ASXL1: variants seen among roughly 807,000 people sequenced by gnomAD.
The protein encoded by ASXL1 is polycomb group protein ASXL1.
ASXL1 carries 65 observed loss-of-function variants against 89.1 expected under a neutral mutation model. That is an observed-to-expected ratio of 0.73 (90% confidence interval 0.60 to 0.90). The LOEUF is 0.90. Ranked by LOEUF, ASXL1 falls within the 40% of genes least tolerant of loss-of-function variation. The pLI is 0.00. For missense variants in ASXL1, 1,786 were observed against 1,942.9 expected, an observed-to-expected ratio of 0.92 and a Z score of 1.52; for synonymous variants, 739 against 746.9, an observed-to-expected ratio of 0.99 and a Z score of 0.17.
In ASXL1 at chr20:32,369,019, A is replaced by G. The variant is rs763956931; in HGVS notation, c.148A>G (p.Thr50Ala). The change falls in exon 4 of 13, where the codon ACT (threonine) becomes GCT (alanine). Residue 50 changes from threonine to alanine, a missense_variant. This residue lies in a region of ASXL1 where 332 missense variants were observed against 449.7 expected (regional missense o/e 0.74). Transcript: ENST00000375687. ...AEGLKEMRSG[T>A]SPLACLNAML... ...CATTCTTTTGTGGTTTTACAGTGGG[A>G]CTTCCCCTCTCGCATGCCTCAATGC... 5 of 1,612,644 alleles carry G rather than the reference A, an allele frequency of 3.1e-6. No homozygotes were observed. The South Asian group carries it at 5.5e-5, about 18-fold the overall frequency.
intron 4 of ASXL1, among the ~76,000 whole-genome samples, chr20:32,410,399 C>G (rs188983126): frequency 1.1e-4 from 16 of 152,300 alleles, no homozygotes; most frequent in Non-Finnish European, 2.2e-4. Flanking sequence ...CACTGGTCTC[C>G]CAAAGTGTTG....
In ASXL1 at chr20:32,429,706, G is replaced by T; in HGVS notation, c.566-195G>T. 2.6e-6 allele frequency: 2 copies of T among 767,248 alleles called. No individual in the cohort carries two copies. The highest frequency in any genetic ancestry group is 2.7e-5 in the East Asian group (1 of 37,718). 47.5% of individuals were successfully genotyped at this position (767,248 alleles called of 1,614,324 possible). ...GTGTAGTGCTATACAAATAAAGATG[G>T]CAGTTTGGCACCTGTAAGGTGATAT... On this transcript the variant is annotated intron_variant, in intron 7 of 12. Coordinates refer to ENST00000375687, the MANE Select transcript of ASXL1 (RefSeq NM_015338.6). This position sits in a 1 kb window ranked among gnomAD's most constrained non-coding sequence, Gnocchi z 4.9.
At chr20:32,370,012 C>G (rs760883917) in intron 4 of ASXL1, among the ~76,000 whole-genome samples, 29 of 152,050 alleles carry the variant, frequency 1.9e-4, no homozygotes, top group Non-Finnish European at 3.5e-4. Flanking sequence ...AGCCACTGCA[C>G]CTGGCCACAG....
chr20:32,418,301 G>A (rs767907943), intron 4 of ASXL1, among the ~76,000 whole-genome samples: 3 of 152,130 alleles, frequency 2.0e-5, no homozygotes, highest in Non-Finnish European at 4.4e-5. Context: ...AAGCCTGGGA[G>A]GTCAAGGCTG....
At position 32,428,050 on chromosome 20, in the gene ASXL1, A is replaced by G. The variant is rs577495029; in HGVS notation, c.253-78A>G. On this transcript the variant is annotated intron_variant, in intron 4 of 12. Coordinates refer to ENST00000375687, the MANE Select transcript of ASXL1 (RefSeq NM_015338.6). ...TTCTAAATCCCTCTTTTTCAAAAGC[A>G]TACACATTTAGGAATGACTGCCTTG... 1.9e-6 allele frequency: 3 copies of G among 1,594,436 alleles called. No individual in the cohort carries two copies. The East Asian group carries it at 6.7e-5, about 36-fold the overall frequency.
chr20:32,432,494 T>A (rs1470118072), intron 10 of ASXL1: 1 of 280,622 alleles, frequency 3.6e-6, no homozygotes, highest in Non-Finnish European at 6.9e-6. Flanking sequence ...TTAGGCACAG[T>A]GAACAACTCA....
chr20:32,366,622 CAGT>C, intron 2 of ASXL1, 156 bp downstream of exon 2: 1 of 938,526 alleles, frequency 1.1e-6, no homozygotes, highest in Non-Finnish European at 1.3e-6. Flanking sequence ...TGTGTCGTCT[CAGT>C]GGAGGGTGGC....
intron 4 of ASXL1, among the ~76,000 whole-genome samples, chr20:32,379,161 CTTTTTTTTTTTTTTTTTTTTTTTTTTTT>C (rs71187113): frequency 6.5e-5 from 4 of 61,760 alleles, no homozygotes; most frequent in Non-Finnish European, 1.1e-4. Context: ...TAACTTCAGT[CTTTTTTTTTTTTTTTTTTTTTTTTTTTT>C]TTTTTTTTTT....
Position 32,435,273 on chromosome 20 carries a change from C to CTGAT in ASXL1, c.2564_2567dup (p.Cys856Ter). On this transcript the variant is annotated frameshift_variant, in exon 13 of 13. Coordinates refer to ENST00000375687, the MANE Select transcript of ASXL1 (RefSeq NM_015338.6). LOFTEE classifies it low-confidence loss of function (END_TRUNC). ...AGTTCCACACCTGAATCCTCACCGA[C>CTGAT]TGATTGCCTGCAGAACAGAGCATTT... 1 of 1,614,164 alleles carries CTGAT rather than the reference C, an allele frequency of 6.2e-7. No homozygotes were observed. Among genetic ancestry groups the CTGAT allele is most frequent in the East Asian group, 2.2e-5 (1 of 44,888 alleles).
intron 4 of ASXL1, among the ~76,000 whole-genome samples, chr20:32,372,907 G>A (rs2048322648): frequency 6.7e-6 from 1 of 148,728 alleles, no homozygotes; most frequent in African/African-American, 2.5e-5. Context: ...TTATTCTTTT[G>A]ACATTTGATG....
intron 4 of ASXL1, among the ~76,000 whole-genome samples, chr20:32,386,020 A>C (rs2048573338): frequency 6.6e-6 from 1 of 152,104 alleles, no homozygotes; most frequent in Admixed American, 6.6e-5. Flanking sequence ...AGGATCCTTC[A>C]TTTATCTCTA....
intron 4 of ASXL1, among the ~76,000 whole-genome samples, chr20:32,371,101 G>T (rs2048294787): frequency 6.6e-6 from 1 of 151,672 alleles, no homozygotes; most frequent in Non-Finnish European, 1.5e-5. Flanking sequence ...CTGCTCTCCA[G>T]CCTGGGCCAC....
At chr20:32,422,673 G>A (rs1427132746) in intron 4 of ASXL1, among the ~76,000 whole-genome samples, 2 of 143,474 alleles carry the variant, frequency 1.4e-5, no homozygotes, top group African/African-American at 5.2e-5. Context: ...TGCAACCTTT[G>A]CCTTCCAGGT....
rs142259311 is a variant in ASXL1, at chr20:32,430,253, C to T, written c.718+200C>T. ...CTAAACTGTGAGAACTCCTTTCAGG[C>T]AGAGATGATGCCATACTGTTTCTCG... On this transcript the variant is annotated intron_variant, in intron 8 of 12. Transcript: ENST00000375687. 2.1e-4 allele frequency: 146 copies of T among 701,870 alleles called. 1 individual carries two copies. The East Asian group carries it at 3.8e-3, about 18-fold the overall frequency. The allele number at this position is 701,870 out of a possible 1,614,324, so 43.5% of individuals were successfully genotyped here.
intron 4 of ASXL1, among the ~76,000 whole-genome samples, chr20:32,417,744 G>T (rs1020074128): frequency 2.3e-4 from 34 of 147,782 alleles, no homozygotes; most frequent in African/African-American, 2.0e-4. Flanking sequence ...TTTTTTTTTT[G>T]ATCAGAATCT....
chr20:32,428,500 G>T, intron 6 of ASXL1, 78 bp downstream of exon 6: 1 of 1,352,604 alleles, frequency 7.4e-7, no homozygotes, highest in South Asian at 1.2e-5. Context: ...CTCCTGTAGT[G>T]AGCTGTGAAC....
chr20:32,367,077 TAAAAA>T (rs11478048), intron 2 of ASXL1, among the ~76,000 whole-genome samples: 3 of 134,886 alleles, frequency 2.2e-5, no homozygotes, highest in Non-Finnish European at 3.2e-5. Flanking sequence ...ACTTCAAACT[TAAAAA>T]AAAAAAAAAA....
chr20:32,428,693 G>T (rs1416045803), intron 6 of ASXL1: 3 of 346,246 alleles, frequency 8.7e-6, no homozygotes, highest in Non-Finnish European at 1.6e-5. Flanking sequence ...ATGGAGTCGC[G>T]CCTGTCGCTC....
chr20:32,372,860 TG>T (rs2048321519), intron 4 of ASXL1, among the ~76,000 whole-genome samples: 1 of 151,826 alleles, frequency 6.6e-6, no homozygotes, highest in Non-Finnish European at 1.5e-5. Context: ...CCCAGAGTGC[TG>T]GGATTACAGG....
Sources: allele counts gnomAD v4.1 joint callset (sites outside exome capture counted in the v4.1 genomes callset), GRCh38; gene constraint gnomAD v4.1.1; regional missense constraint gnomAD v4.1.1; non-coding constraint Gnocchi (gnomAD v3.1); transcripts MANE v1.5; gene names NCBI Gene and HGNC (gene_info 2026-07-23, HGNC 2026-07-21).